ALB: variants seen among roughly 807,000 people sequenced by gnomAD.
ALB encodes the protein albumin.
In ALB, 37 loss-of-function variants were observed where a neutral mutation model predicts 74.5. The observed-to-expected ratio is 0.50, with a 90% CI of 0.38 to 0.65. The LOEUF is 0.65. Among genes scored for constraint, ALB ranks in the 30% least tolerant of loss-of-function variants. ALB has a pLI of 0.00. For missense variants in ALB, 685 were observed against 718.7 expected (o/e 0.95, Z 0.54); for synonymous variants, 249 against 251.6 (o/e 0.99, Z 0.10).
chr4:73,412,377 T>G, intron 7 of ALB: 1 of 528,206 alleles, frequency 1.9e-6, no homozygotes, highest in East Asian at 3.6e-5. Flanking sequence ...AATGAAGGCT[T>G]AAACTGAAGT....
chr4:73,417,732 A>G (rs1719050472), intron 11 of ALB, 63 bp downstream of exon 11: 2 of 1,388,544 alleles, frequency 1.4e-6, no homozygotes, highest in African/African-American at 1.5e-5. Context: ...GATATTGATA[A>G]TGCTAGCTTT....
chr4:73,406,824 G>T (rs1196368894), intron 3 of ALB, 63 bp downstream of exon 3: 6 of 1,593,730 alleles, frequency 3.8e-6, no homozygotes, highest in Middle Eastern at 1.7e-4. Context: ...GCATTTCAAA[G>T]GAATTTTTTT....
chr4:73,419,255 T>C (rs1719088549), intron 12 of ALB: 2 of 446,392 alleles, frequency 4.5e-6, no homozygotes, highest in Non-Finnish European at 8.1e-6. Flanking sequence ...CATAACGTGA[T>C]GAGTGGTTTA....
intron 3 of ALB, among the ~76,000 whole-genome samples, chr4:73,407,596 A>C (rs954207453): frequency 1.3e-5 from 2 of 152,186 alleles, no homozygotes; most frequent in Non-Finnish European, 2.9e-5. Flanking sequence ...TATCTCTTAG[A>C]GATGATATCA....
rs141626688 is a variant in ALB, at chr4:73,417,538, G to A, written c.1297G>A (p.Val433Ile). The change falls in exon 11 of 15, where the codon GTT becomes ATT. Residue 433 changes from valine (V) to isoleucine (I), a missense_variant. By Grantham distance (29) the Val-to-Ile change is conservative. Coordinates refer to ENST00000295897, the MANE Select transcript of ALB (RefSeq NM_000477.7). Reference sequence around the variant, plus strand: ...ATGACTTCTTTTTTTCAGGCTATTAGTTCGTTACACCAAGAAAGTACCCCA... The same window carrying A: ...ATGACTTCTTTTTTTCAGGCTATTAATTCGTTACACCAAGAAAGTACCCCA... ...GEYKFQNALL[V>I]RYTKKVPQVS... 1 of 1,613,736 alleles carries A rather than the reference G, an allele frequency of 6.2e-7. No individual in the cohort carries two copies. Among genetic ancestry groups the A allele is most frequent in the African/African-American group, 1.3e-5 (1 of 74,820 alleles).
intron 12 of ALB, 33 bp from the exon 13 acceptor site, chr4:73,419,474 G>GTTTT: frequency 1.5e-6 from 2 of 1,304,952 alleles, no homozygotes; most frequent in South Asian, 1.3e-5. Flanking sequence ...TGTTTTTTCT[G>GTTTT]TTTTTTTTTT....
intron 11 of ALB, 41 bp downstream of exon 11, chr4:73,417,710 AT>A (rs1577941460): frequency 6.8e-7 from 1 of 1,475,358 alleles, no homozygotes; most frequent in Non-Finnish European, 9.1e-7. Context: ...TAATGAAAAA[AT>A]TTTACCTTTA....
intron 10 of ALB, 74 bp from the exon 11 acceptor site, chr4:73,417,457 A>G (rs1026528834): frequency 8.5e-5 from 133 of 1,556,654 alleles, no homozygotes; most frequent in Admixed American, 3.3e-4. Context: ...GATTCCGGCC[A>G]AGTGTTCTCT....
intron 4 of ALB, chr4:73,409,148 C>A: frequency 4.3e-6 from 1 of 234,270 alleles, no homozygotes; most frequent in Non-Finnish European, 7.3e-6. Context: ...ACCATTTATG[C>A]ACACACACAC....
At chr4:73,407,382 A>C (rs111726911) in intron 3 of ALB, among the ~76,000 whole-genome samples, 1 of 152,274 alleles carries the variant, frequency 6.6e-6, no homozygotes, top group African/African-American at 2.4e-5. Context: ...TGACTGACTT[A>C]TTTCCCTTAG....
chr4:73,405,831 G>A (rs1473111658), intron 2 of ALB, among the ~76,000 whole-genome samples: 5 of 152,016 alleles, frequency 3.3e-5, no homozygotes, highest in Non-Finnish European at 7.4e-5. Context: ...ATCGTGATCT[G>A]CCCACCTCGG....
Position 73,421,188 on chromosome 4 carries a change from C to T in ALB, c.*120C>T, listed in dbSNP as rs1478585883. The stretch of plus-strand genomic sequence containing the variant: ...TAAAGCCAACACCCTGTCTAAAAAA[C>T]ATAAATTTCTTTAATCATTTTGCCT... On this transcript the variant is annotated 3_prime_UTR_variant, in exon 15 of 15. Transcript: ENST00000295897. The T allele has an allele frequency of 2.3e-5, 15 of 653,558 alleles. No homozygotes were observed. Among genetic ancestry groups the T allele is most frequent in the Non-Finnish European group, 3.5e-5 (13 of 368,656 alleles). 40.5% of individuals were successfully genotyped at this position (653,558 alleles called of 1,614,324 possible).
Position 73,413,465 on chromosome 4 carries a change from A to G in ALB, c.889A>G (p.Ser297Gly), listed in dbSNP as rs1222078466. 2.5e-6 allele frequency: 4 copies of G among 1,614,088 alleles called. No individual in the cohort carries two copies. Among genetic ancestry groups the G allele is most frequent in the African/African-American group, 1.3e-5 (1 of 74,952 alleles). ...CTGTGAAAATCAAGATTCGATCTCC[A>G]GTAAACTGAAGGAATGCTGTGAAAA... is the stretch of plus-strand genomic sequence containing the variant. ...YICENQDSIS[S>G]KLKECCEKPL... The change falls in exon 8 of 15, where the codon AGT (serine) becomes GGT (glycine). Residue 297 changes from serine to glycine, a missense_variant. Ser to Gly is a moderately conservative substitution (Grantham distance 56). Transcript: ENST00000295897.
chr4:73,420,338 T>G lies in ALB; in HGVS notation c.*23+17T>G. 6.5e-7 allele frequency: 1 copy of G among 1,539,884 alleles called. No individual in the cohort carries two copies. Among genetic ancestry groups the G allele is most frequent in the Non-Finnish European group, 8.9e-7 (1 of 1,120,632 alleles). On this transcript the variant is annotated intron_variant, in intron 14 of 14. Transcript: ENST00000295897. ...GCATCTCAGGTAACTATATTTTGAA[T>G]TTTTTAAAAAAGTAACTATAATAGT... is the stretch of plus-strand genomic sequence containing the variant.
chr4:73,410,981 T>C (rs1168049951), intron 6 of ALB, among the ~76,000 whole-genome samples: 3 of 152,206 alleles, frequency 2.0e-5, no homozygotes, highest in Non-Finnish European at 4.4e-5. Flanking sequence ...CCAGCTCTGA[T>C]CTTCATCTCA....
At position 73,413,628 on chromosome 4, in the gene ALB, T is replaced by G; in HGVS notation, c.1052T>G (p.Leu351Arg). The change falls in exon 8 of 15, where the codon CTG (leucine) becomes CGG (arginine). Residue 351 changes from leucine (L) to arginine (R), a missense_variant. Leu to Arg is a moderately radical substitution (Grantham distance 102). Coordinates refer to ENST00000295897, the MANE Select transcript of ALB (RefSeq NM_000477.7). Reference protein sequence around the residue: ...KNYAEAKDVFLGMFLYEYARR... With the variant: ...KNYAEAKDVFRGMFLYEYARR... ...TATGCTGAGGCAAAGGATGTCTTCCTGGGCATGTAAGTAGATAAGAAATTA... is the reference window on the plus strand; with the variant it reads ...TATGCTGAGGCAAAGGATGTCTTCCGGGGCATGTAAGTAGATAAGAAATTA... 2 of 1,614,090 alleles carry G rather than the reference T, an allele frequency of 1.2e-6. No homozygotes were observed. Among genetic ancestry groups the G allele is most frequent in the Non-Finnish European group, 1.7e-6 (2 of 1,179,930 alleles).
Position 73,418,319 on chromosome 4 carries a change from G to A in ALB, c.1652+8G>A. Reference sequence around the variant, plus strand: ...ACAAATCAAGAAACAAACGTGAGGAGTATTTCATTACTGCATGTGTTTGTA... The same window carrying A: ...ACAAATCAAGAAACAAACGTGAGGAATATTTCATTACTGCATGTGTTTGTA... On this transcript the variant is annotated splice_region_variant and intron_variant, in intron 12 of 14. Coordinates refer to ENST00000295897, the MANE Select transcript of ALB (RefSeq NM_000477.7). 6.2e-7 allele frequency: 1 copy of A among 1,607,606 alleles called. No homozygotes were observed. Among genetic ancestry groups the A allele is most frequent in the Non-Finnish European group, 8.5e-7 (1 of 1,175,402 alleles).
chr4:73,412,216 G>T, intron 7 of ALB, 91 bp downstream of exon 7: 1 of 1,470,492 alleles, frequency 6.8e-7, no homozygotes, highest in Non-Finnish European at 9.5e-7. Flanking sequence ...GCTGACAGTG[G>T]GTTGAGATTG....
chr4:73,408,773 T>C lies in ALB; in HGVS notation c.450T>C (p.Ala150=). The change falls in exon 4 of 15, where the codon GCT becomes GCC. Residue 150 remains alanine, a synonymous_variant. Coordinates refer to ENST00000295897, the MANE Select transcript of ALB (RefSeq NM_000477.7). The stretch of plus-strand genomic sequence containing the variant: ...CAGAGGTTGATGTGATGTGCACTGC[T>C]TTTCATGACAATGAAGAGACATTTT... The part of the protein sequence containing the change: ...VRPEVDVMCT[A]FHDNEETFLK... The C allele has an allele frequency of 6.2e-7, 1 of 1,613,870 alleles. No homozygotes were observed. The highest frequency in any genetic ancestry group is 8.5e-7 in the Non-Finnish European group (1 of 1,179,796).
Sources: allele counts gnomAD v4.1 joint callset (sites outside exome capture counted in the v4.1 genomes callset), GRCh38; gene constraint gnomAD v4.1.1; transcripts MANE v1.5; gene names NCBI Gene and HGNC (gene_info 2026-07-23, HGNC 2026-07-21).